Variants in RAB6A observed in about 807,000 individuals in gnomAD.
RAB6A encodes ras-related protein Rab-6A.
RAB6A carries 8 observed loss-of-function variants against 32.3 expected under a neutral mutation model. The ratio of observed to expected loss-of-function variants is 0.25; its 90% CI spans 0.15 to 0.45. The LOEUF (loss-of-function observed/expected upper bound fraction) is 0.45. RAB6A is among the 20% of genes least tolerant of loss of function. The pLI is 1.00. For synonymous variants in RAB6A, 73 were observed against 82.1 expected, an observed-to-expected ratio of 0.89 and a Z score of 0.60; for missense variants, 104 against 249.4, an observed-to-expected ratio of 0.42 and a Z score of 3.93.
Position 73,707,137 on chromosome 11 carries a change from AAAAAAG to A in RAB6A, c.495+277_495+282del, listed in dbSNP as rs1170989685. On this transcript the variant is annotated intron_variant, in intron 6 of 7. Transcript: ENST00000336083. ...CCATCTCAAAAAAGAAAAAAAAAAAAAAAAAGAAAAGAAAATTTACCTTTAAAGCAA... is the reference window on the plus strand; with the variant it reads ...CCATCTCAAAAAAGAAAAAAAAAAAAAAAAGAAAATTTACCTTTAAAGCAA... Among the ~76,000 whole-genome samples, 68 of 151,548 alleles carry A rather than the reference AAAAAAG, an allele frequency of 4.5e-4. 1 individual carries two copies. Among genetic ancestry groups the A allele is most frequent in the Middle Eastern group, 3.4e-3 (1 of 292 alleles).
chr11:73,760,465 C>G, intron 1 of RAB6A, 101 bp downstream of exon 1: 2 of 1,438,122 alleles, frequency 1.4e-6, no homozygotes, highest in Non-Finnish European at 1.9e-6. Context: ...CGAGCGCGGA[C>G]GCGAGGCGGG....
At chr11:73,707,650 T>A in intron 5 of RAB6A, 137 bp from the exon 6 acceptor site, 1 of 581,342 alleles carries the variant, frequency 1.7e-6, no homozygotes, top group Non-Finnish European at 3.0e-6. Context: ...AATTCATTAA[T>A]CTGCCACACT....
At chr11:73,692,786 T>TAAAAAAAAAA (rs1945592479) in intron 6 of RAB6A, among the ~76,000 whole-genome samples, 1 of 22,214 alleles carries the variant, frequency 4.5e-5, no homozygotes, top group South Asian at 1.6e-3. Flanking sequence ...CTACTAAAAA[T>TAAAAAAAAAA]ACAAAAAAAA....
intron 6 of RAB6A, among the ~76,000 whole-genome samples, chr11:73,697,449 G>A (rs1279385984): frequency 6.6e-6 from 1 of 152,066 alleles, no homozygotes; most frequent in East Asian, 1.9e-4. Context: ...CCAGGTTCAA[G>A]TGATTCTTGT....
At position 73,693,282 on chromosome 11, in the gene RAB6A, C is replaced by T. The variant is rs1167225352; in HGVS notation, c.496-13562G>A. ...CGGCCTGGATGACAGAGCAAGACTC[C>T]GTCTCCAAAAAATAAATAAATAAAT... On this transcript the variant is annotated intron_variant, in intron 6 of 7. Coordinates refer to ENST00000336083, the MANE Select transcript of RAB6A (RefSeq NM_198896.2). Among the ~76,000 whole-genome samples the T allele has an allele frequency of 3.4e-5, 5 of 148,554 alleles. No individual in the cohort carries two copies. The South Asian group carries it at 6.4e-4, about 19-fold the overall frequency.
chr11:73,677,674 T>G lies in RAB6A; in HGVS notation c.*224A>C. 2 of 1,195,192 alleles carry G rather than the reference T, an allele frequency of 1.7e-6. No individual in the cohort carries two copies. Among genetic ancestry groups the G allele is most frequent in the Non-Finnish European group, 2.3e-6 (2 of 860,942 alleles). The allele number at this position is 1,195,192 out of a possible 1,614,324, so 74.0% of individuals were successfully genotyped here. A position where few individuals can be genotyped will look rare whatever the true frequency, so the allele number is the denominator to read the frequency against. On this transcript the variant is annotated 3_prime_UTR_variant, in exon 8 of 8. Coordinates refer to ENST00000336083, the MANE Select transcript of RAB6A (RefSeq NM_198896.2). ...TTTTAAAGTTATCACTGGAATATGC[T>G]GAAATATTTTGGCTTTTTGTAAAAT...
intron 6 of RAB6A, among the ~76,000 whole-genome samples, chr11:73,687,668 T>C (rs1216051977): frequency 1.3e-5 from 2 of 152,202 alleles, no homozygotes; most frequent in East Asian, 3.8e-4. Context: ...CCAGCCTGGC[T>C]AACATGATGA....
chr11:73,709,912 CATAT>C (rs201185693), intron 5 of RAB6A, among the ~76,000 whole-genome samples: 1,472 of 145,474 alleles, frequency 0.01, 26 homozygotes, highest in African/African-American at 0.035. Flanking sequence ...CACATATATA[CATAT>C]ATATACACAT....
At chr11:73,695,000 G>A (rs1290116385) in intron 6 of RAB6A, among the ~76,000 whole-genome samples, 6 of 151,974 alleles carry the variant, frequency 3.9e-5, no homozygotes, top group African/African-American at 1.2e-4. Context: ...TGGGCAACAC[G>A]CAAGACTGTG....
At chr11:73,724,484 GTT>G (rs34665371) in intron 2 of RAB6A, among the ~76,000 whole-genome samples, 2 of 123,330 alleles carry the variant, frequency 1.6e-5, no homozygotes, top group Admixed American at 1.7e-4. Flanking sequence ...AATGCATTTC[GTT>G]TTTTTTTTTT....
At chr11:73,737,129 G>A (rs953639725) in intron 1 of RAB6A, among the ~76,000 whole-genome samples, 1 of 152,090 alleles carries the variant, frequency 6.6e-6, no homozygotes, top group African/African-American at 2.4e-5. Flanking sequence ...AAGATATCCA[G>A]AAAATGTTGA....
At chr11:73,685,439 T>C (rs1044729728) in intron 6 of RAB6A, among the ~76,000 whole-genome samples, 17 of 151,302 alleles carry the variant, frequency 1.1e-4, no homozygotes, top group African/African-American at 3.9e-4. Context: ...CAGGTGCCTG[T>C]GCCACACCCG....
intron 6 of RAB6A, among the ~76,000 whole-genome samples, chr11:73,688,974 TTAGCCAGGTGTGGTGG>T (rs1361157090): frequency 6.6e-6 from 1 of 152,016 alleles, no homozygotes; most frequent in Non-Finnish European, 1.5e-5. Flanking sequence ...CTATAAAAAA[TTAGCCAGGTGTGGTGG>T]TAGGCTCCTG....
rs1946835314 is a variant in RAB6A at position 73,760,897 on chromosome 11, G to C, written c.-262C>G. The C allele has an allele frequency of 2.2e-6, 1 of 454,674 alleles. No homozygotes were observed. Among genetic ancestry groups the C allele is most frequent in the Admixed American group, 3.9e-5 (1 of 25,748 alleles). 28.2% of individuals were successfully genotyped at this position (454,674 alleles called of 1,614,324 possible). ...GGAGGGCGGTGTCGGCAGGAGCCAGGGGTGTCCTCTGGCTTCCCAAAGCTA... is the reference window on the plus strand; with the variant it reads ...GGAGGGCGGTGTCGGCAGGAGCCAGCGGTGTCCTCTGGCTTCCCAAAGCTA... On this transcript the variant is annotated 5_prime_UTR_variant, in exon 1 of 8. Coordinates refer to ENST00000336083, the MANE Select transcript of RAB6A (RefSeq NM_198896.2).
intron 1 of RAB6A, among the ~76,000 whole-genome samples, chr11:73,757,122 T>C (rs1363203818): frequency 1.9e-5 from 1 of 53,952 alleles, no homozygotes; most frequent in African/African-American, 8.9e-5. Flanking sequence ...TATATATATA[T>C]ATATATATTT....
chr11:73,678,469 T>C (rs1016652746), intron 7 of RAB6A, among the ~76,000 whole-genome samples: 2 of 151,812 alleles, frequency 1.3e-5, no homozygotes, highest in East Asian at 2.0e-4. Context: ...ATATAAAAAT[T>C]AGCTGGGCAT....
chr11:73,744,809 T>C lies in RAB6A; in HGVS notation c.71-13986A>G, dbSNP rs180710961. 5.2e-3 allele frequency among the ~76,000 whole-genome samples: 796 copies of C among 151,760 alleles called. 7 individuals are homozygous for C. Among genetic ancestry groups the C allele is most frequent in the African/African-American group, 0.018 (725 of 41,408 alleles). On this transcript the variant is annotated intron_variant, in intron 1 of 7. Coordinates refer to ENST00000336083, the MANE Select transcript of RAB6A (RefSeq NM_198896.2). ...GGCCAACATGGTGAAACCCCATCTC[T>C]ACTAAAAATACAAAAATTAGCTGGG... is the stretch of plus-strand genomic sequence containing the variant.
chr11:73,728,054 A>G (rs768174250), intron 2 of RAB6A, among the ~76,000 whole-genome samples: 1 of 152,236 alleles, frequency 6.6e-6, no homozygotes, highest in Non-Finnish European at 1.5e-5. Context: ...AAAACATTTC[A>G]TAACTGAAAA....
intron 1 of RAB6A, among the ~76,000 whole-genome samples, chr11:73,742,792 A>G (rs1049664500): frequency 1.3e-5 from 2 of 151,952 alleles, no homozygotes; most frequent in Admixed American, 1.3e-4. Context: ...CTGGGCAACA[A>G]GAATGAAAAT....
Sources: gnomAD v4.1 joint callset for allele counts (sites outside exome capture counted in the v4.1 genomes callset) on GRCh38, gnomAD v4.1.1 for gene constraint, MANE v1.5 for transcripts, NCBI Gene and HGNC (gene_info 2026-07-23, HGNC 2026-07-21) for gene names.